The following DPH6 variants were observed in gnomAD, a reference collection of about 807,000 sequenced individuals.
DPH6 encodes the protein diphthine--ammonia ligase.
A neutral mutation model predicts 38.2 loss-of-function variants in DPH6; 33 were observed. That is an observed-to-expected ratio of 0.86 (90% CI 0.65 to 1.15). The LOEUF (loss-of-function observed/expected upper bound fraction) is 1.15, where lower values mean the gene tolerates loss of function less well. Among genes scored for constraint, DPH6 ranks in the 50% most tolerant of loss-of-function variants. The pLI is 0.00. For missense variants in DPH6, 325 were observed against 320.0 expected, an observed-to-expected ratio of 1.02 and a Z score of -0.12; for synonymous variants, 108 against 103.0, an observed-to-expected ratio of 1.05 and a Z score of -0.30.
chr15:35,484,531 GGCAGTTA>G (rs2054371044), intron 3 of DPH6, among the ~76,000 whole-genome samples: 1 of 152,220 alleles, frequency 6.6e-6, no homozygotes, highest in South Asian at 2.1e-4. Context: ...GATGCTCAGT[GGCAGTTA>G]GCCAGAGGCC....
chr15:35,540,196 A>T (rs2055232362), intron 2 of DPH6, among the ~76,000 whole-genome samples: 1 of 152,100 alleles, frequency 6.6e-6, no homozygotes, highest in Non-Finnish European at 1.5e-5. Context: ...AACTTTGATT[A>T]ATGGAAGCTA....
At chr15:35,455,454 C>T (rs149426056) in intron 3 of DPH6, among the ~76,000 whole-genome samples, 101 of 152,198 alleles carry the variant, frequency 6.6e-4, no homozygotes, top group African/African-American at 2.2e-3. Flanking sequence ...TCCTGTCTAG[C>T]ATACTCATTA....
At chr15:35,311,008 G>A (rs1323308747) in intron 3 of DPH6, among the ~76,000 whole-genome samples, 13 of 151,358 alleles carry the variant, frequency 8.6e-5, no homozygotes, top group African/African-American at 2.2e-4. Flanking sequence ...GCAGTGAGCC[G>A]AGATCACTCC....
chr15:35,400,301 G>A (rs1488138319), intron 6 of DPH6, among the ~76,000 whole-genome samples: 1 of 152,088 alleles, frequency 6.6e-6, no homozygotes, highest in Non-Finnish European at 1.5e-5. Context: ...GGCTTTTACA[G>A]TTATTATAAT....
intron 3 of DPH6, among the ~76,000 whole-genome samples, chr15:35,534,839 T>G (rs571567356): frequency 2.6e-5 from 4 of 152,296 alleles, no homozygotes; most frequent in Admixed American, 1.3e-4. Flanking sequence ...TCAAGTTTTC[T>G]CCCGTCAAAA....
intron 3 of DPH6, among the ~76,000 whole-genome samples, chr15:35,524,919 A>G (rs1267372896): frequency 6.6e-6 from 1 of 152,108 alleles, no homozygotes; most frequent in Non-Finnish European, 1.5e-5. Flanking sequence ...CCTGAGAGAA[A>G]TTTCTCCCTT....
chr15:35,408,612 A>C (rs936099672), intron 6 of DPH6, among the ~76,000 whole-genome samples: 1 of 152,014 alleles, frequency 6.6e-6, no homozygotes, highest in East Asian at 1.9e-4. Context: ...AGCCTAAACT[A>C]GGAGTCAGAA....
At chr15:35,183,116 C>A in the DPH6 span, among the ~76,000 whole-genome samples, 1 of 152,170 alleles carries the variant, frequency 6.6e-6, no homozygotes, top group Non-Finnish European at 1.5e-5. Context: ...CTTGCTGATA[C>A]CTTTTAATTT....
chr15:35,281,168 C>T (rs1298641247), intron 3 of DPH6, among the ~76,000 whole-genome samples: 5 of 152,006 alleles, frequency 3.3e-5, no homozygotes, highest in African/African-American at 1.2e-4. Context: ...ACTACCACTT[C>T]ACACACAATT....
At chr15:35,434,198 T>C (rs1256629803) in intron 5 of DPH6, among the ~76,000 whole-genome samples, 1 of 151,978 alleles carries the variant, frequency 6.6e-6, no homozygotes, top group Non-Finnish European at 1.5e-5. Flanking sequence ...GGATACCTAA[T>C]ACGACTAGGT....
chr15:35,211,084 G>A, the DPH6 span, among the ~76,000 whole-genome samples: 2 of 149,372 alleles, frequency 1.3e-5, no homozygotes, highest in African/African-American at 4.9e-5. Flanking sequence ...AGAGCAAGGA[G>A]ATAATAAAGG....
At chr15:35,370,676 C>A (rs1487710510), downstream of DPH6, among the ~76,000 whole-genome samples, 1 of 151,612 alleles carries the variant, frequency 6.6e-6, no homozygotes, top group East Asian at 1.9e-4. Flanking sequence ...TCCAAAATTC[C>A]TACAATGCTC....
intron 3 of DPH6, among the ~76,000 whole-genome samples, chr15:35,269,317 T>C (rs1362904741): frequency 6.6e-6 from 1 of 152,174 alleles, no homozygotes; most frequent in Admixed American, 6.5e-5. Context: ...AACTATCTGA[T>C]TATATGGTCT....
the DPH6 span, among the ~76,000 whole-genome samples, chr15:35,171,862 C>CTTTATT: frequency 5.3e-5 from 8 of 149,624 alleles, no homozygotes; most frequent in South Asian, 2.1e-4. Flanking sequence ...TATATATATT[C>CTTTATT]TTTATTTTTA....
At chr15:35,496,302 C>T (rs1006959379) in intron 3 of DPH6, among the ~76,000 whole-genome samples, 5 of 151,680 alleles carry the variant, frequency 3.3e-5, no homozygotes, top group African/African-American at 1.2e-4. Flanking sequence ...CGCCTATAAT[C>T]CCAGCACTTT....
At chr15:35,179,598 C>T in the DPH6 span, among the ~76,000 whole-genome samples, 1 of 152,116 alleles carries the variant, frequency 6.6e-6, no homozygotes, top group African/African-American at 2.4e-5. Context: ...TACATGTGTG[C>T]ACTTATATTC....
chr15:35,404,892 G>A (rs191805685), intron 6 of DPH6, among the ~76,000 whole-genome samples: 2 of 152,188 alleles, frequency 1.3e-5, no homozygotes, highest in East Asian at 3.9e-4. Context: ...ATTTTGATTT[G>A]ACTGTTGTAT....
chr15:35,435,473 T>C (rs1201164681), intron 5 of DPH6, among the ~76,000 whole-genome samples: 1 of 152,192 alleles, frequency 6.6e-6, no homozygotes, highest in Non-Finnish European at 1.5e-5. Context: ...ACTGGGGGTC[T>C]GCATGAGCAC....
At chr15:35,464,192 G>A (rs1193555853) in intron 3 of DPH6, among the ~76,000 whole-genome samples, 2 of 151,998 alleles carry the variant, frequency 1.3e-5, no homozygotes, top group African/African-American at 2.4e-5. Context: ...TACTTGGGAG[G>A]CTGAGGCAGG....
Sources: gnomAD v4.1 joint callset for allele counts (sites outside exome capture counted in the v4.1 genomes callset) on GRCh38, gnomAD v4.1.1 for gene constraint, MANE v1.5 for transcripts, NCBI Gene and HGNC (gene_info 2026-07-23, HGNC 2026-07-21) for gene names.